Variants in CSMD3 observed in about 807,000 individuals in gnomAD.
CSMD3 encodes CUB and sushi domain-containing protein 3.
Under a neutral mutation model 435.2 loss-of-function variants are expected in CSMD3, and 177 were observed. That is an observed-to-expected ratio of 0.41 (90% CI 0.36 to 0.46). CSMD3 has a LOEUF of 0.46. CSMD3 is among the 20% of genes least tolerant of loss of function. The pLI, the probability that CSMD3 is intolerant of heterozygous loss-of-function variation, is 0.34. For missense variants in CSMD3, 4,265 were observed against 4,504.6 expected (o/e 0.95, Z 1.52); for synonymous variants, 1,656 against 1,520.5 (o/e 1.09, Z -2.07).
At chr8:113,155,603 T>A (rs1371172952) in intron 4 of CSMD3, among the ~76,000 whole-genome samples, 2 of 152,002 alleles carry the variant, frequency 1.3e-5, no homozygotes, top group Non-Finnish European at 2.9e-5. Context: ...GGGATTGAAG[T>A]AGAAGTACAG....
chr8:113,174,736 CAT>C (rs2131896064), intron 3 of CSMD3, among the ~76,000 whole-genome samples: 1 of 151,942 alleles, frequency 6.6e-6, no homozygotes, highest in African/African-American at 2.4e-5. Flanking sequence ...TATTTGTTCT[CAT>C]ATTGTTTTCT....
chr8:112,986,052 C>T (rs955047943), intron 6 of CSMD3, among the ~76,000 whole-genome samples: 1 of 152,076 alleles, frequency 6.6e-6, no homozygotes, highest in Non-Finnish European at 1.5e-5. Context: ...TACTGGACTA[C>T]AAGCAAGACA....
intron 6 of CSMD3, among the ~76,000 whole-genome samples, chr8:113,000,754 CATTTAAA>C (rs1254870919): frequency 3.9e-5 from 6 of 151,982 alleles, no homozygotes; most frequent in Non-Finnish European, 8.8e-5. Context: ...AAACTCCATC[CATTTAAA>C]TGCTATCTTT....
chr8:112,308,498 A>AT (rs1403458129), intron 50 of CSMD3, among the ~76,000 whole-genome samples: 4 of 152,046 alleles, frequency 2.6e-5, no homozygotes, highest in Non-Finnish European at 4.4e-5. Flanking sequence ...TTCTCCGCTA[A>AT]TTTTTTTAAA....
At chr8:112,242,829 T>C (rs2130082462) in intron 65 of CSMD3, among the ~76,000 whole-genome samples, 1 of 152,070 alleles carries the variant, frequency 6.6e-6, no homozygotes, top group African/African-American at 2.4e-5. Flanking sequence ...AAGCCAGAAA[T>C]ATTAGTTTGT....
chr8:113,130,347 A>G (rs927146540), intron 4 of CSMD3, among the ~76,000 whole-genome samples: 4 of 152,108 alleles, frequency 2.6e-5, no homozygotes, highest in African/African-American at 9.7e-5. Context: ...TGATTGGATC[A>G]TGGGGAGGAA....
At chr8:112,355,661 G>A (rs7838616) in intron 38 of CSMD3, among the ~76,000 whole-genome samples, 59,382 of 151,544 alleles carry the variant, frequency 0.39, 13,226 homozygotes, top group Middle Eastern at 0.53. Context: ...GTGAAACCCC[G>A]TCTCTACTAA....
intron 13 of CSMD3, among the ~76,000 whole-genome samples, chr8:112,744,332 T>C (rs1256020087): frequency 6.6e-6 from 1 of 152,084 alleles, no homozygotes; most frequent in Non-Finnish European, 1.5e-5. Flanking sequence ...ATGCCATTTC[T>C]GGATGTAACA....
rs191456235 is a variant in CSMD3 at position 112,775,312 on chromosome 8, G to T, written c.1972+24850C>A. On this transcript the variant is annotated intron_variant, in intron 13 of 70. Coordinates refer to ENST00000297405, the MANE Select transcript of CSMD3 (RefSeq NM_198123.2). ...CAAGGCAGAAACTGCCTTAAAAGAA[G>T]AACTCAAGCATATAGCATCTGTCAT... 1.2e-3 allele frequency among the ~76,000 whole-genome samples: 176 copies of T among 151,816 alleles called. 2 individuals are homozygous for T. The highest frequency in any genetic ancestry group is 4.0e-3 in the African/African-American group (165 of 41,490).
chr8:112,590,025 G>T (rs890650175), intron 22 of CSMD3, among the ~76,000 whole-genome samples: 3 of 152,074 alleles, frequency 2.0e-5, no homozygotes, highest in Admixed American at 6.6e-5. Flanking sequence ...AAAGCTACAA[G>T]GTCACTGTAA....
intron 10 of CSMD3, among the ~76,000 whole-genome samples, chr8:112,893,967 T>G (rs1182517556): frequency 2.6e-5 from 1 of 38,362 alleles, no homozygotes; most frequent in Admixed American, 4.2e-4. Flanking sequence ...ACAAAGGCAC[T>G]GTGTTGTAAC....
intron 35 of CSMD3, among the ~76,000 whole-genome samples, chr8:112,394,741 T>A (rs1044594465): frequency 4.6e-5 from 7 of 152,208 alleles, no homozygotes; most frequent in Non-Finnish European, 8.8e-5. Context: ...TCTACAGCAT[T>A]CTCACTCCCC....
At chr8:112,241,693 T>C (rs771856176) in intron 66 of CSMD3, 27 bp downstream of exon 66, 19 of 1,541,898 alleles carry the variant, frequency 1.2e-5, no homozygotes, top group Non-Finnish European at 1.7e-5. Flanking sequence ...AATAATGAAC[T>C]CTAGAAAAAC....
At chr8:112,552,100 G>T in intron 26 of CSMD3, among the ~76,000 whole-genome samples, 1 of 151,896 alleles carries the variant, frequency 6.6e-6, no homozygotes, top group East Asian at 1.9e-4. Flanking sequence ...TGTGTTTAGG[G>T]ACAAGGACAA....
intron 16 of CSMD3, among the ~76,000 whole-genome samples, chr8:112,669,667 C>T (rs555362537): frequency 6.6e-6 from 1 of 152,186 alleles, no homozygotes; most frequent in East Asian, 1.9e-4. Flanking sequence ...TTTTCAAAGT[C>T]CCATTCATTC....
At chr8:113,005,257 T>C (rs1376958778) in intron 6 of CSMD3, among the ~76,000 whole-genome samples, 4 of 151,908 alleles carry the variant, frequency 2.6e-5, no homozygotes, top group Admixed American at 6.6e-5. Context: ...CCAATAACAA[T>C]GGCTATATAA....
At chr8:112,904,734 A>G (rs978241327) in intron 10 of CSMD3, among the ~76,000 whole-genome samples, 6 of 151,422 alleles carry the variant, frequency 4.0e-5, no homozygotes, top group Non-Finnish European at 7.4e-5. Flanking sequence ...CTTACTGGCC[A>G]GGGTTGTTTT....
chr8:112,704,795 G>A (rs187388733), intron 13 of CSMD3, among the ~76,000 whole-genome samples: 48 of 152,148 alleles, frequency 3.2e-4, no homozygotes, highest in Non-Finnish European at 2.9e-5. Flanking sequence ...TTATTTATTA[G>A]TAGTAATATA....
chr8:113,200,142 A>G (rs907128631), intron 3 of CSMD3, among the ~76,000 whole-genome samples: 1 of 151,768 alleles, frequency 6.6e-6, no homozygotes, highest in African/African-American at 2.4e-5. Flanking sequence ...GCAGCATTTT[A>G]CCAATTGTTG....
Sources: gnomAD v4.1 joint callset for allele counts (sites outside exome capture counted in the v4.1 genomes callset) on GRCh38, gnomAD v4.1.1 for gene constraint, MANE v1.5 for transcripts, NCBI Gene and HGNC (gene_info 2026-07-23, HGNC 2026-07-21) for gene names.